Variants in GALK2 observed in about 807,000 individuals in gnomAD.
GALK2 encodes N-acetylgalactosamine kinase.
A neutral mutation model predicts 52.4 loss-of-function variants in GALK2; 36 were observed. That is an observed-to-expected ratio of 0.69 (90% CI 0.53 to 0.91). GALK2 has a LOEUF of 0.91. GALK2 is among the 40% of genes least tolerant of loss of function. The probability of loss-of-function intolerance (pLI) is 0.00; values close to 1 mark genes in which losing one functional copy is unlikely to be tolerated. For synonymous variants in GALK2, 176 were observed against 199.1 expected, an observed-to-expected ratio of 0.88 and a Z score of 0.98; for missense variants, 579 against 559.1, an observed-to-expected ratio of 1.04 and a Z score of -0.36.
chr15:49,201,357 C>A, intron 2 of GALK2, 107 bp downstream of exon 2: 1 of 605,322 alleles, frequency 1.7e-6, no homozygotes, highest in Non-Finnish European at 2.9e-6. Context: ...GAATATTTCA[C>A]ATGTATCTAC....
At chr15:49,232,268 T>C (rs2090543700) in intron 3 of GALK2, among the ~76,000 whole-genome samples, 1 of 152,190 alleles carries the variant, frequency 6.6e-6, no homozygotes, top group Non-Finnish European at 1.5e-5. Context: ...CAGCCTGAGC[T>C]GTATCTGAAG....
chr15:49,243,713 G>A lies in GALK2; in HGVS notation c.504+4346G>A, dbSNP rs116447036. 2.0e-3 allele frequency among the ~76,000 whole-genome samples: 304 copies of A among 152,178 alleles called. 3 individuals are homozygous for A. The highest frequency in any genetic ancestry group is 7.0e-3 in the African/African-American group (292 of 41,522). On this transcript the variant is annotated intron_variant, in intron 5 of 9. Transcript: ENST00000560031. ...ATCAAAGACATGATGTCCTCAGAGAGATAAAAGAAAATGTTAAGTCCTTGA... is the reference window on the plus strand; with the variant it reads ...ATCAAAGACATGATGTCCTCAGAGAAATAAAAGAAAATGTTAAGTCCTTGA...
At chr15:49,348,158 A>T (rs1190038761) in intron 3 of GALK2, among the ~76,000 whole-genome samples, 1 of 152,224 alleles carries the variant, frequency 6.6e-6, no homozygotes, top group Non-Finnish European at 1.5e-5. Flanking sequence ...GTTGATTTAC[A>T]GAAATTCCAG....
At chr15:49,268,498 G>T (rs2029869036) in intron 5 of GALK2, among the ~76,000 whole-genome samples, 1 of 152,196 alleles carries the variant, frequency 6.6e-6, no homozygotes, top group African/African-American at 2.4e-5. Flanking sequence ...GAAAGATGTG[G>T]ATAGAAAGAA....
intron 3 of GALK2, chr15:49,225,397 C>T (rs553387094): frequency 3.8e-5 from 14 of 367,568 alleles, no homozygotes; most frequent in East Asian, 7.3e-5. Context: ...CTCGGTCTCC[C>T]GTCAGATCAG....
At chr15:49,223,083 G>A (rs1339004879) in intron 3 of GALK2, 1 of 151,974 alleles carries the variant, frequency 6.6e-6, no homozygotes, top group African/African-American at 2.4e-5. Flanking sequence ...GTCTGTTTAT[G>A]TTTTTTGTTT....
intron 5 of GALK2, among the ~76,000 whole-genome samples, chr15:49,246,942 G>A (rs1017150935): frequency 6.6e-6 from 1 of 152,164 alleles, no homozygotes; most frequent in Non-Finnish European, 1.5e-5. Flanking sequence ...CTGCTTTTAT[G>A]GAGTTTCCAT....
At chr15:49,310,134 G>C (rs1290884449) in intron 8 of GALK2, among the ~76,000 whole-genome samples, 1 of 152,100 alleles carries the variant, frequency 6.6e-6, no homozygotes, top group Non-Finnish European at 1.5e-5. Flanking sequence ...GGATCATGTG[G>C]TTTTTAATCT....
intron 2 of GALK2, among the ~76,000 whole-genome samples, chr15:49,214,551 A>G (rs2089225624): frequency 6.8e-6 from 1 of 148,088 alleles, no homozygotes; most frequent in South Asian, 2.1e-4. Context: ...CATGTTAGCC[A>G]GGATAGTCTT....
chr15:49,237,568 C>T (rs1350488724), intron 4 of GALK2, among the ~76,000 whole-genome samples: 1 of 152,018 alleles, frequency 6.6e-6, no homozygotes, highest in East Asian at 1.9e-4. Context: ...CCTCTGCCCC[C>T]GGGGTTCAAG....
chr15:49,214,743 A>T (rs75691966), intron 2 of GALK2, among the ~76,000 whole-genome samples: 22,999 of 152,144 alleles, frequency 0.15, 2,253 homozygotes, highest in Non-Finnish European at 0.21. Context: ...CTACTAAGAT[A>T]TGAGTGTTTT....
chr15:49,262,706 A>T (rs1443678591), intron 5 of GALK2, among the ~76,000 whole-genome samples: 4 of 145,874 alleles, frequency 2.7e-5, no homozygotes, highest in Non-Finnish European at 6.0e-5. Context: ...GTGGGCATTT[A>T]GTGCTATAAA....
At chr15:49,210,529 T>G (rs2088759819) in intron 2 of GALK2, among the ~76,000 whole-genome samples, 1 of 152,078 alleles carries the variant, frequency 6.6e-6, no homozygotes, top group Non-Finnish European at 1.5e-5. Flanking sequence ...AATGTCTGCC[T>G]CCCAGATTCA....
chr15:49,224,676 A>G (rs1169460631), intron 3 of GALK2, among the ~76,000 whole-genome samples: 1 of 152,160 alleles, frequency 6.6e-6, no homozygotes, highest in Non-Finnish European at 1.5e-5. Context: ...ATTCTGTTCT[A>G]TAAGTCTATG....
chr15:49,359,902 C>T (rs569631745), intron 3 of GALK2, among the ~76,000 whole-genome samples: 1,588 of 147,794 alleles, frequency 0.011, 19 homozygotes, highest in Non-Finnish European at 0.017. Context: ...TGGAATACTA[C>T]GCAGCCATAA....
At chr15:49,187,859 A>C (rs930691792) in intron 1 of GALK2, among the ~76,000 whole-genome samples, 2 of 152,042 alleles carry the variant, frequency 1.3e-5, no homozygotes, top group African/African-American at 4.8e-5. Context: ...GTCCAGCATG[A>C]GTCCAAAAAT....
chr15:49,333,657 T>A (rs2151164132), downstream of GALK2, among the ~76,000 whole-genome samples: 1 of 152,348 alleles, frequency 6.6e-6, no homozygotes, highest in East Asian at 1.9e-4. Flanking sequence ...TTATAAGTTC[T>A]AAAATAGTAT....
At chr15:49,191,132 A>G (rs1235416749) in intron 1 of GALK2, among the ~76,000 whole-genome samples, 1 of 152,178 alleles carries the variant, frequency 6.6e-6, no homozygotes, top group Non-Finnish European at 1.5e-5. Flanking sequence ...AAAAAAGCAG[A>G]AAAAAGAACA....
In GALK2 at chr15:49,255,255, T is replaced by G. The variant is rs1415123586; in HGVS notation, c.504+15888T>G. 1.4e-5 allele frequency among the ~76,000 whole-genome samples: 2 copies of G among 143,596 alleles called. 1 individual carries two copies. Among genetic ancestry groups the G allele is most frequent in the Non-Finnish European group, 3.1e-5 (2 of 63,954 alleles). 94.2% of individuals were successfully genotyped at this position (143,596 alleles called of 152,430 possible). On this transcript the variant is annotated intron_variant, in intron 5 of 9. Transcript: ENST00000560031. Reference sequence around the variant, plus strand: ...TTTTTTCTGATTGAGAATTTACTTATTCAAGATAATTGAATACATTCTGGA... The same window carrying G: ...TTTTTTCTGATTGAGAATTTACTTAGTCAAGATAATTGAATACATTCTGGA...
Sources: gnomAD v4.1 joint callset for allele counts (sites outside exome capture counted in the v4.1 genomes callset) on GRCh38, gnomAD v4.1.1 for gene constraint, MANE v1.5 for transcripts, NCBI Gene and HGNC (gene_info 2026-07-23, HGNC 2026-07-21) for gene names.